ZMAT4: variants seen among roughly 807,000 people sequenced by gnomAD.
ZMAT4 encodes zinc finger matrin-type protein 4.
Under a neutral mutation model 28.7 loss-of-function variants are expected in ZMAT4, and 17 were observed. The ratio of observed to expected loss-of-function variants is 0.59; its 90% CI spans 0.41 to 0.89. ZMAT4 has a LOEUF of 0.89. ZMAT4 is among the 40% of genes least tolerant of loss of function. The pLI is 0.00. For synonymous variants in ZMAT4, 117 were observed against 109.2 expected (o/e 1.07, Z -0.44); for missense variants, 240 against 283.8 (o/e 0.85, Z 1.11).
chr8:40,665,503 A>C (rs1171438449), intron 5 of ZMAT4, among the ~76,000 whole-genome samples: 1 of 152,148 alleles, frequency 6.6e-6, no homozygotes, highest in Non-Finnish European at 1.5e-5. Flanking sequence ...ATGAATAGTG[A>C]CTACAGTTCT....
chr8:40,675,924 T>C (rs1445142850), intron 4 of ZMAT4, among the ~76,000 whole-genome samples: 2 of 152,238 alleles, frequency 1.3e-5, no homozygotes, highest in African/African-American at 4.8e-5. Flanking sequence ...GATTGCATTG[T>C]TCCACCTATT....
intron 1 of ZMAT4, among the ~76,000 whole-genome samples, chr8:40,895,878 T>C (rs1389857018): frequency 2.0e-5 from 3 of 152,084 alleles, no homozygotes; most frequent in African/African-American, 7.2e-5. Context: ...TCCCTGGGGG[T>C]CACGTGCCCT....
intron 5 of ZMAT4, among the ~76,000 whole-genome samples, chr8:40,658,613 GACACAT>G (rs1212093599): frequency 1.3e-4 from 13 of 101,316 alleles, no homozygotes; most frequent in African/African-American, 5.4e-4. Context: ...GGCAGCGTTA[GACACAT>G]ACACACACAC....
chr8:40,633,640 G>A (rs1351981912), intron 5 of ZMAT4, among the ~76,000 whole-genome samples: 1 of 152,182 alleles, frequency 6.6e-6, no homozygotes, highest in Non-Finnish European at 1.5e-5. Flanking sequence ...CAAGCCATGA[G>A]GTTGAGCTTT....
intron 5 of ZMAT4, among the ~76,000 whole-genome samples, chr8:40,663,165 T>A (rs916565315): frequency 1.3e-5 from 2 of 152,198 alleles, no homozygotes; most frequent in African/African-American, 4.8e-5. Context: ...AGGTCCCATC[T>A]GACCTGAATG....
At chr8:40,639,364 G>A (rs1348185774) in intron 5 of ZMAT4, among the ~76,000 whole-genome samples, 1 of 152,096 alleles carries the variant, frequency 6.6e-6, no homozygotes, top group Non-Finnish European at 1.5e-5. Context: ...GGGCTGATGT[G>A]CCCAGGTAGA....
intron 2 of ZMAT4, among the ~76,000 whole-genome samples, chr8:40,803,391 A>T (rs1309622596): frequency 6.6e-6 from 1 of 152,202 alleles, no homozygotes; most frequent in Non-Finnish European, 1.5e-5. Flanking sequence ...GAACTCTTAA[A>T]ACTCAACAAG....
intron 4 of ZMAT4, among the ~76,000 whole-genome samples, chr8:40,679,430 C>T (rs1367180497): frequency 6.6e-6 from 1 of 152,122 alleles, no homozygotes; most frequent in African/African-American, 2.4e-5. Flanking sequence ...TTAATTAACT[C>T]ATAGTTCCAC....
At chr8:40,726,459 G>A (rs993652109) in intron 3 of ZMAT4, among the ~76,000 whole-genome samples, 16 of 152,246 alleles carry the variant, frequency 1.1e-4, no homozygotes, top group African/African-American at 3.6e-4. Flanking sequence ...CCTTTCTGCC[G>A]CCTTACTGCA....
intron 5 of ZMAT4, among the ~76,000 whole-genome samples, chr8:40,610,530 T>C (rs1027825713): frequency 1.1e-4 from 16 of 152,120 alleles, no homozygotes; most frequent in African/African-American, 3.6e-4. Flanking sequence ...ATTTCATTTG[T>C]CTGGGAAGCG....
chr8:40,726,208 T>G (rs1421488665), intron 3 of ZMAT4, among the ~76,000 whole-genome samples: 1 of 152,266 alleles, frequency 6.6e-6, no homozygotes, highest in Non-Finnish European at 1.5e-5. Context: ...ATGCAAACTC[T>G]GAAGTCGGAA....
At chr8:40,674,606 T>G in intron 5 of ZMAT4, 98 bp downstream of exon 5, 2 of 988,826 alleles carry the variant, frequency 2.0e-6, no homozygotes, top group South Asian at 3.2e-5. Context: ...TTTTCCTTAA[T>G]AATTAAAGCA....
At chr8:40,651,576 A>G (rs1199193157) in intron 5 of ZMAT4, among the ~76,000 whole-genome samples, 1 of 146,256 alleles carries the variant, frequency 6.8e-6, no homozygotes, top group Non-Finnish European at 1.5e-5. Context: ...GGAAAAAACT[A>G]CTTTAAAGTT....
At chr8:40,606,587 G>A (rs533569240) in intron 5 of ZMAT4, among the ~76,000 whole-genome samples, 13 of 152,336 alleles carry the variant, frequency 8.5e-5, no homozygotes, top group African/African-American at 3.1e-4. Context: ...GTTACCTGAT[G>A]TTTTTGCCTC....
intron 5 of ZMAT4, among the ~76,000 whole-genome samples, chr8:40,639,552 T>A (rs531374943): frequency 2.0e-3 from 311 of 152,168 alleles, no homozygotes; most frequent in African/African-American, 7.0e-3. Flanking sequence ...CAAAGTAAAG[T>A]TGGATTTTTC....
At position 40,704,131 on chromosome 8, in the gene ZMAT4, C is replaced by A. The variant is rs564680048; in HGVS notation, c.193-6730G>T. Among the ~76,000 whole-genome samples, 4 of 152,348 alleles carry A rather than the reference C, an allele frequency of 2.6e-5. No homozygotes were observed. The South Asian group carries it at 8.3e-4, about 32-fold the overall frequency. On this transcript the variant is annotated intron_variant, in intron 3 of 6. Transcript: ENST00000297737. The stretch of plus-strand genomic sequence containing the variant: ...ATAACTGCACCTCTCAGCACATACC[C>A]TGTAGTAAGATAGAATGTCCAATAA...
intron 2 of ZMAT4, among the ~76,000 whole-genome samples, chr8:40,813,429 C>G (rs536299205): frequency 6.6e-6 from 1 of 152,352 alleles, no homozygotes; most frequent in Non-Finnish European, 1.5e-5. Context: ...ACAGCAAAAG[C>G]TGTTTTCATA....
intron 2 of ZMAT4, among the ~76,000 whole-genome samples, chr8:40,772,016 TC>T (rs1813407979): frequency 6.6e-6 from 1 of 152,166 alleles, no homozygotes; most frequent in South Asian, 2.1e-4. Context: ...TTACAGAGTT[TC>T]AGGGGGAAAA....
At chr8:40,645,677 G>T (rs1337058743) in intron 5 of ZMAT4, among the ~76,000 whole-genome samples, 2 of 152,102 alleles carry the variant, frequency 1.3e-5, no homozygotes, top group Non-Finnish European at 2.9e-5. Flanking sequence ...AAGTTTGGAT[G>T]TAACATCTCC....
Sources: allele counts gnomAD v4.1 joint callset (sites outside exome capture counted in the v4.1 genomes callset), GRCh38; gene constraint gnomAD v4.1.1; transcripts MANE v1.5; gene names NCBI Gene and HGNC (gene_info 2026-07-23, HGNC 2026-07-21).